The following UBR4 variants were observed in gnomAD, a reference collection of about 807,000 sequenced individuals.
UBR4 encodes the protein E3 ubiquitin-protein ligase UBR4.
A neutral mutation model predicts 575.6 loss-of-function variants in UBR4; 124 were observed. The ratio of observed to expected loss-of-function variants is 0.22; its 90% CI spans 0.19 to 0.25. UBR4 has a LOEUF of 0.25. UBR4 is among the 10% of genes least tolerant of loss of function. UBR4 has a pLI of 1.00. For missense variants in UBR4, 4,818 were observed against 6,478.8 expected (o/e 0.74, Z 8.80); for synonymous variants, 2,455 against 2,473.7 (o/e 0.99, Z 0.22).
intron 96 of UBR4, 25 bp from the exon 97 acceptor site, chr1:19,092,943 A>G (rs763495321): frequency 6.2e-7 from 1 of 1,605,044 alleles, no homozygotes; most frequent in African/African-American, 1.3e-5. Flanking sequence ...AAGGCTTATT[A>G]GCAGGCCAGG....
intron 102 of UBR4, among the ~76,000 whole-genome samples, chr1:19,084,288 A>C (rs911903069): frequency 6.6e-6 from 1 of 152,248 alleles, no homozygotes; most frequent in African/African-American, 2.4e-5. Context: ...GGTGGGAGAC[A>C]GGGCAGTTTG....
chr1:19,136,831 C>G (rs1371379413), intron 60 of UBR4, among the ~76,000 whole-genome samples: 1 of 152,064 alleles, frequency 6.6e-6, no homozygotes, highest in African/African-American at 2.4e-5. Context: ...AAAACTCTAT[C>G]AAAATATCAT....
chr1:19,100,309 G>C lies in UBR4; in HGVS notation c.13221+67C>G. ...AATCAGCTACTAGGAAGAAGCACCT[G>C]GATTTGGTTAGCCTAGGAGGAAGCC... is the stretch of plus-strand genomic sequence containing the variant. On this transcript the variant is annotated intron_variant, in intron 89 of 105. Coordinates refer to ENST00000375254, the MANE Select transcript of UBR4 (RefSeq NM_020765.3). The surrounding 1 kb of genome is among the most constrained non-coding windows in gnomAD (Gnocchi z 4.2). 6.4e-7 allele frequency: 1 copy of C among 1,569,342 alleles called. No individual in the cohort carries two copies. The highest frequency in any genetic ancestry group is 1.4e-5 in the African/African-American group (1 of 74,006).
Position 19,128,316 on chromosome 1 carries a change from G to T in UBR4, c.9006C>A (p.Val3002=). The T allele has an allele frequency of 6.2e-7, 1 of 1,613,238 alleles. No individual in the cohort carries two copies. The highest frequency in any genetic ancestry group is 1.1e-5 in the South Asian group (1 of 90,994). ...GGVRAIPYMQ[V]ILMLTTDLDG... ...CCAGATCTGTAGTGAGCATTAGAATGACCTAGAAGTCAAAGACAGAAAACA... is the reference window on the plus strand; with the variant it reads ...CCAGATCTGTAGTGAGCATTAGAATTACCTAGAAGTCAAAGACAGAAAACA... Residue 3002 remains valine, a splice_region_variant and synonymous_variant, in exon 62 of 106, where the codon GTC becomes GTA. Transcript: ENST00000375254.
chr1:19,096,410 C>T (rs1057447545), intron 92 of UBR4, 113 bp downstream of exon 92: 32 of 1,482,082 alleles, frequency 2.2e-5, no homozygotes, highest in Middle Eastern at 5.1e-4. Context: ...CACTGCTCCA[C>T]GGCACCATGC....
At chr1:19,197,840 A>C (rs1486095878) in intron 6 of UBR4, 29 bp from the exon 7 acceptor site, 1 of 1,613,590 alleles carries the variant, frequency 6.2e-7, no homozygotes, top group South Asian at 1.1e-5. Context: ...CAACCTTACA[A>C]ACAGGCCTTT....
chr1:19,160,220 T>C lies in UBR4; in HGVS notation c.5468A>G (p.Gln1823Arg). 1 of 1,612,824 alleles carries C rather than the reference T, an allele frequency of 6.2e-7. No individual in the cohort carries two copies. Among genetic ancestry groups the C allele is most frequent in the South Asian group, 1.1e-5 (1 of 91,054 alleles). The change falls in exon 39 of 106, where the codon CAG (glutamine) becomes CGG (arginine). Residue 1823 changes from glutamine to arginine, a missense_variant. By Grantham distance (43) the Gln-to-Arg change is conservative. Coordinates refer to ENST00000375254, the MANE Select transcript of UBR4 (RefSeq NM_020765.3). ...GGCTGAAGCTTGCTGGAAGTTGGTC[T>C]GAATGGCATCCATAAGGAAATTAAG... ...DMLNFLMDAI[Q>R]TNFQQASAVG...
At chr1:19,092,789 A>G in intron 97 of UBR4, 30 bp downstream of exon 97, 1 of 1,574,872 alleles carries the variant, frequency 6.3e-7, no homozygotes, top group Non-Finnish European at 8.7e-7. Flanking sequence ...GTACCCCTGT[A>G]CCCTCACACT....
At chr1:19,094,770 A>T in intron 94 of UBR4, 136 bp downstream of exon 94, 2 of 1,179,016 alleles carry the variant, frequency 1.7e-6, no homozygotes, top group Admixed American at 2.5e-5. Context: ...TCATTAGTTG[A>T]GTCCTAACAT....
chr1:19,198,189 T>C, intron 5 of UBR4, 140 bp from the exon 6 acceptor site: 1 of 848,784 alleles, frequency 1.2e-6, no homozygotes, highest in Non-Finnish European at 1.8e-6. Context: ...TTGGAGAAAA[T>C]ACAGGTTACA....
At chr1:19,158,445 G>GT (rs767484021) in intron 39 of UBR4, among the ~76,000 whole-genome samples, 2 of 151,838 alleles carry the variant, frequency 1.3e-5, no homozygotes, top group Non-Finnish European at 2.9e-5. Context: ...AAATAAAACC[G>GT]TGACTCATTT....
intron 73 of UBR4, among the ~76,000 whole-genome samples, chr1:19,116,188 T>C (rs2149389696): frequency 6.6e-6 from 1 of 152,354 alleles, no homozygotes; most frequent in South Asian, 2.1e-4. Flanking sequence ...TGACACATAC[T>C]AACTCATTTA....
intron 23 of UBR4, 27 bp downstream of exon 23, chr1:19,173,412 T>A (rs748697224): frequency 6.2e-7 from 1 of 1,613,360 alleles, no homozygotes; most frequent in Non-Finnish European, 8.5e-7. Context: ...TGGCTTTGAA[T>A]AGTCTTAGCA....
Position 19,086,831 on chromosome 1 carries a change from C to G in UBR4, c.14545-10G>C. On this transcript the variant is annotated splice_polypyrimidine_tract_variant and intron_variant, in intron 99 of 105. Transcript: ENST00000375254. ...CCAGGACCTTTGTGGGCTGCAAAGA[C>G]GACAACATAAGGAGAGGGGAGGAGA... 6.2e-7 allele frequency: 1 copy of G among 1,613,600 alleles called. No homozygotes were observed.
rs1278239485 is a variant in UBR4 at position 19,187,236 on chromosome 1, C to T, written c.1560G>A (p.Arg520=). 1.9e-6 allele frequency: 3 copies of T among 1,613,844 alleles called. No homozygotes were observed. The highest frequency in any genetic ancestry group is 2.5e-6 in the Non-Finnish European group (3 of 1,179,964). The change falls in exon 13 of 106, where the codon AGG becomes AGA. Residue 520 remains arginine, a synonymous_variant. Transcript: ENST00000375254. Reference sequence around the variant, plus strand: ...GGACAGAGTCAATCAGCCGTTGAATCCTCTGTATGGAGGTGCTCTGGGCCA... The same window carrying T: ...GGACAGAGTCAATCAGCCGTTGAATTCTCTGTATGGAGGTGCTCTGGGCCA... ...SIMAQSTSIQ[R]IQRLIDSVPL... is the part of the protein sequence containing the mutation.
In UBR4 at chr1:19,114,072, T is replaced by C; in HGVS notation, c.11203-2A>G. 2 of 1,610,340 alleles carry C rather than the reference T, an allele frequency of 1.2e-6. No individual in the cohort carries two copies. The highest frequency in any genetic ancestry group is 1.7e-6 in the Non-Finnish European group (2 of 1,176,770). On this transcript the variant is annotated splice_acceptor_variant, in intron 75 of 105. Coordinates refer to ENST00000375254, the MANE Select transcript of UBR4 (RefSeq NM_020765.3). LOFTEE classifies it high-confidence loss of function. ...AAGTGTATTGATGTTGGATACAGCCTAGACAGGAAAAGACAGGGACTGAGT... is the reference window on the plus strand; with the variant it reads ...AAGTGTATTGATGTTGGATACAGCCCAGACAGGAAAAGACAGGGACTGAGT...
At position 19,076,893 on chromosome 1, in the gene UBR4, T is replaced by C. The variant is rs376957837; in HGVS notation, c.15334A>G (p.Thr5112Ala). ...LIYNMFKKVP[T>A]SNTEGGWSCS... ...GACCAGCCTCCCTCTGTGTTACTGG[T>C]AGGCACCTTCTACGAGAATCAACAG... Residue 5112 changes from threonine to alanine, a missense_variant, in exon 105 of 106, where the codon ACC (threonine) becomes GCC (alanine). Thr to Ala is a moderately conservative substitution (Grantham distance 58). This residue lies in a region of UBR4 where 212 missense variants were observed against 221.3 expected (regional missense o/e 0.96). Coordinates refer to ENST00000375254, the MANE Select transcript of UBR4 (RefSeq NM_020765.3). 15 of 1,561,914 alleles carry C rather than the reference T, an allele frequency of 9.6e-6. No homozygotes were observed. Among genetic ancestry groups the C allele is most frequent in the African/African-American group, 2.7e-5 (2 of 72,760 alleles).
chr1:19,079,962 G>A (rs2076326643), intron 103 of UBR4: 1 of 152,246 alleles, frequency 6.6e-6, no homozygotes, highest in Non-Finnish European at 1.5e-5. Context: ...TAATTAAGCT[G>A]TGACCAAATC....
chr1:19,126,900 C>T (rs1029789735), intron 63 of UBR4, among the ~76,000 whole-genome samples: 2 of 152,204 alleles, frequency 1.3e-5, no homozygotes, highest in African/African-American at 4.8e-5. Flanking sequence ...CCTTGCTACA[C>T]GCACATATGC....
Sources: allele counts gnomAD v4.1 joint callset (sites outside exome capture counted in the v4.1 genomes callset), GRCh38; gene constraint gnomAD v4.1.1; regional missense constraint gnomAD v4.1.1; non-coding constraint Gnocchi (gnomAD v3.1); transcripts MANE v1.5; gene names NCBI Gene and HGNC (gene_info 2026-07-23, HGNC 2026-07-21).